The following VPS37A variants were observed in gnomAD, a reference collection of about 807,000 sequenced individuals.
The protein encoded by VPS37A is VPS37A subunit of ESCRT-I.
A neutral mutation model predicts 49.8 loss-of-function variants in VPS37A; 30 were observed. The observed-to-expected ratio is 0.60, with a 90% CI of 0.45 to 0.82. VPS37A has a LOEUF of 0.82. VPS37A is among the 40% of genes least tolerant of loss of function. The probability of loss-of-function intolerance (pLI) is 0.00; values close to 1 mark genes in which losing one functional copy is unlikely to be tolerated. For missense variants in VPS37A, 593 were observed against 464.4 expected, an observed-to-expected ratio of 1.28 and a Z score of -2.55; for synonymous variants, 195 against 160.6, an observed-to-expected ratio of 1.21 and a Z score of -1.62.
chr8:17,266,703 A>T (rs1389755218), intron 2 of VPS37A, among the ~76,000 whole-genome samples: 1 of 152,196 alleles, frequency 6.6e-6, no homozygotes, highest in Non-Finnish European at 1.5e-5. Flanking sequence ...AGGAGACCTT[A>T]TTAAATACTA....
At chr8:17,284,737 A>G (rs1048506340) in intron 10 of VPS37A, 121 bp downstream of exon 10, 1 of 1,227,140 alleles carries the variant, frequency 8.1e-7, no homozygotes, top group African/African-American at 1.6e-5. Flanking sequence ...TTTTTTGTAC[A>G]ATATATTTAC....
the VPS37A span, chr8:17,311,845 C>T: frequency 3.1e-6 from 2 of 645,580 alleles, no homozygotes; most frequent in Admixed American, 3.0e-5. Flanking sequence ...CCATTCTATC[C>T]AGAAGCCACC....
rs1181595941 is a variant in VPS37A, at chr8:17,280,329, A to G, written c.900+32A>G. On this transcript the variant is annotated intron_variant, in intron 8 of 11. Transcript: ENST00000324849. Reference sequence around the variant, plus strand: ...TAGTGATAATTTTGAAGAAATTTACATAATTTAAAAATAGAATAAAACAAC... The same window carrying G: ...TAGTGATAATTTTGAAGAAATTTACGTAATTTAAAAATAGAATAAAACAAC... 2.5e-6 allele frequency: 4 copies of G among 1,604,102 alleles called. No homozygotes were observed. The South Asian group carries it at 4.5e-5, about 18-fold the overall frequency.
chr8:17,248,115 C>T (rs752102772), intron 1 of VPS37A: 68 of 361,304 alleles, frequency 1.9e-4, no homozygotes, highest in Non-Finnish European at 5.3e-5. Context: ...TTGCTGCAGC[C>T]TTTTACATTG....
intron 11 of VPS37A, among the ~76,000 whole-genome samples, chr8:17,287,655 G>A (rs1815735014): frequency 1.3e-5 from 2 of 151,808 alleles, no homozygotes; most frequent in South Asian, 4.2e-4. Context: ...TCCAACCTGG[G>A]TGACAGAGCA....
intron 11 of VPS37A, among the ~76,000 whole-genome samples, chr8:17,293,932 G>C (rs1287679067): frequency 6.6e-6 from 1 of 152,222 alleles, no homozygotes; most frequent in Admixed American, 6.5e-5. Flanking sequence ...ACGGTGGTCA[G>C]AGAACCACTT....
At position 17,265,081 on chromosome 8, in the gene VPS37A, A is replaced by G. The variant is rs1367473910; in HGVS notation, c.126-826A>G. Among the ~76,000 whole-genome samples, 6 of 152,286 alleles carry G rather than the reference A, an allele frequency of 3.9e-5. No homozygotes were observed. The East Asian group carries it at 1.2e-3, about 29-fold the overall frequency. On this transcript the variant is annotated intron_variant, in intron 1 of 11. Coordinates refer to ENST00000324849, the MANE Select transcript of VPS37A (RefSeq NM_152415.3). The stretch of plus-strand genomic sequence containing the variant: ...AGCAAATTCAGAGTTTGACAGTTGC[A>G]TAGTCATCAAGGACCCAAGCTACTT...
Position 17,247,400 on chromosome 8 carries a change from A to G in VPS37A, c.125+31A>G, listed in dbSNP as rs1289643852. 4.3e-6 allele frequency: 3 copies of G among 693,164 alleles called. No homozygotes were observed. The East Asian group carries it at 1.5e-4, about 35-fold the overall frequency. 42.9% of individuals were successfully genotyped at this position (693,164 alleles called of 1,614,324 possible). A position where few individuals can be genotyped will look rare whatever the true frequency, so the allele number is the denominator to read the frequency against. ...TGGTCGCTGCCTCTCCACCGGAGGAAAAAGTAGGGTGGGAGGGCGGGCTTG... is the reference window on the plus strand; with the variant it reads ...TGGTCGCTGCCTCTCCACCGGAGGAGAAAGTAGGGTGGGAGGGCGGGCTTG... On this transcript the variant is annotated intron_variant, in intron 1 of 11. Transcript: ENST00000324849.
the VPS37A span, among the ~76,000 whole-genome samples, chr8:17,308,601 GACTAA>G: frequency 2.6e-5 from 4 of 152,068 alleles, no homozygotes; most frequent in Non-Finnish European, 4.4e-5. Flanking sequence ...TATCACCAAA[GACTAA>G]ACTAAGTACA....
downstream of VPS37A, chr8:17,300,303 G>C: frequency 7.1e-7 from 1 of 1,412,930 alleles, no homozygotes; most frequent in African/African-American, 1.4e-5. Context: ...TTTAGCATTT[G>C]TTACCTCCCA....
At chr8:17,323,834 C>T in the VPS37A span, among the ~76,000 whole-genome samples, 1 of 152,120 alleles carries the variant, frequency 6.6e-6, no homozygotes, top group Non-Finnish European at 1.5e-5. Flanking sequence ...GTTTGATGGG[C>T]TACACTTTCT....
chr8:17,285,209 T>C (rs1335672058), intron 10 of VPS37A, among the ~76,000 whole-genome samples: 3 of 152,190 alleles, frequency 2.0e-5, no homozygotes, highest in African/African-American at 7.2e-5. Context: ...CACTTTAGAC[T>C]TGCTTTTTCT....
intron 6 of VPS37A, among the ~76,000 whole-genome samples, chr8:17,278,271 T>G (rs1158648650): frequency 6.6e-6 from 1 of 152,114 alleles, no homozygotes; most frequent in Non-Finnish European, 1.5e-5. Context: ...TTAAAGCACC[T>G]GAAATCATTG....
rs1811333437 is a variant in VPS37A, at chr8:17,247,350, C to T, written c.106C>T (p.Leu36Phe). Residue 36 changes from leucine to phenylalanine, a missense_variant, in exon 1 of 12, where the codon CTC becomes TTC. Physicochemically the swap from Leu to Phe is conservative, Grantham distance 22. Transcript: ENST00000324849. ...GCAGAAGCAGCGCCTGATCGAGTCC[C>T]TCCGGAACTCACACTCCAGGTGACT... ...QQQKQRLIES[L>F]RNSHSSIAEI... The T allele has an allele frequency of 3.2e-6, 5 of 1,552,892 alleles. No individual in the cohort carries two copies. Among genetic ancestry groups the T allele is most frequent in the South Asian group, 1.2e-5 (1 of 84,228 alleles).
intron 11 of VPS37A, among the ~76,000 whole-genome samples, chr8:17,289,219 T>A (rs1422366030): frequency 5.9e-5 from 9 of 152,228 alleles, no homozygotes; most frequent in Non-Finnish European, 1.2e-4. Flanking sequence ...TAGATCTCAT[T>A]TGTCCATTTT....
Position 17,247,090 on chromosome 8 carries a change from C to A in VPS37A, c.-155C>A. ...AGCATGTCCCCCAGAACTCGGGGAGCGCAGGCAGGACAGGCTTAGAGAAGA... is the reference window on the plus strand; with the variant it reads ...AGCATGTCCCCCAGAACTCGGGGAGAGCAGGCAGGACAGGCTTAGAGAAGA... On this transcript the variant is annotated 5_prime_UTR_variant, in exon 1 of 12. Coordinates refer to ENST00000324849, the MANE Select transcript of VPS37A (RefSeq NM_152415.3). 1.0e-6 allele frequency: 1 copy of A among 962,216 alleles called. No homozygotes were observed. The highest frequency in any genetic ancestry group is 1.6e-5 in the South Asian group (1 of 61,600). The allele number at this position is 962,216 out of a possible 1,614,324, so 59.6% of individuals were successfully genotyped here. A position where few individuals can be genotyped will look rare whatever the true frequency, so the allele number is the denominator to read the frequency against.
chr8:17,283,672 T>G (rs1815316788), intron 9 of VPS37A, among the ~76,000 whole-genome samples: 1 of 152,160 alleles, frequency 6.6e-6, no homozygotes, highest in African/African-American at 2.4e-5. Context: ...GTGTGAGGGT[T>G]TATTTCTGGG....
chr8:17,256,748 A>G (rs537359402), intron 1 of VPS37A, among the ~76,000 whole-genome samples: 3 of 151,790 alleles, frequency 2.0e-5, no homozygotes, highest in Non-Finnish European at 2.9e-5. Context: ...CGCCTCCCGG[A>G]TTCAAGCAAT....
At chr8:17,309,379 G>T in the VPS37A span, 1 of 1,205,416 alleles carries the variant, frequency 8.3e-7, no homozygotes. Context: ...AAAAATAAGA[G>T]ACCACACAAC....
Sources: allele counts gnomAD v4.1 joint callset (sites outside exome capture counted in the v4.1 genomes callset), GRCh38; gene constraint gnomAD v4.1.1; transcripts MANE v1.5; gene names NCBI Gene and HGNC (gene_info 2026-07-23, HGNC 2026-07-21).